Variants in SLC7A11 observed in about 807,000 individuals in gnomAD.
The protein encoded by SLC7A11 is solute carrier family 7 member 11, also known as cystine/glutamate transporter.
Under a neutral mutation model 54.5 loss-of-function variants are expected in SLC7A11, and 35 were observed. That is an observed-to-expected ratio of 0.64 (90% CI 0.49 to 0.85). SLC7A11 has a LOEUF of 0.85. Among genes scored for constraint, SLC7A11 ranks in the 40% least tolerant of loss-of-function variants. SLC7A11 has a pLI of 0.00. For missense variants in SLC7A11, 583 were observed against 618.1 expected, an observed-to-expected ratio of 0.94 and a Z score of 0.60; for synonymous variants, 230 against 225.2, an observed-to-expected ratio of 1.02 and a Z score of -0.19.
Position 138,165,029 on chromosome 4 carries a change from A to G in SLC7A11, c.*6927T>C, listed in dbSNP as rs1304224531. On this transcript the variant is annotated 3_prime_UTR_variant, in exon 12 of 12. Coordinates refer to ENST00000280612, the MANE Select transcript of SLC7A11 (RefSeq NM_014331.4). Reference sequence around the variant, plus strand: ...GCAAATTATAAATGCTTGTCACAGAATATGAAAAATATTTAAATACATTCA... The same window carrying G: ...GCAAATTATAAATGCTTGTCACAGAGTATGAAAAATATTTAAATACATTCA... 1 of 152,342 alleles carries G rather than the reference A, an allele frequency of 6.6e-6. No homozygotes were observed. Among genetic ancestry groups the G allele is most frequent in the Non-Finnish European group, 1.5e-5 (1 of 68,026 alleles). 9.4% of individuals were successfully genotyped at this position (152,342 alleles called of 1,614,324 possible).
At chr4:138,174,797 A>G (rs1327069541) in intron 11 of SLC7A11, 3 of 152,224 alleles carry the variant, frequency 2.0e-5, no homozygotes, top group Non-Finnish European at 1.5e-5. Context: ...ACTGTAAGGT[A>G]CAGGACCAAA....
chr4:138,185,212 G>A lies in SLC7A11; in HGVS notation c.824C>T (p.Ala275Val). 6.2e-7 allele frequency: 1 copy of A among 1,612,648 alleles called. No homozygotes were observed. Among genetic ancestry groups the A allele is most frequent in the Non-Finnish European group, 8.5e-7 (1 of 1,178,950 alleles). Reference protein sequence around the residue: ...TIPLAICISMAIVTIGYVLTN... With the variant: ...TIPLAICISMVIVTIGYVLTN... Reference sequence around the variant, plus strand: ...CAGCACATAGCCAATGGTGACAATGGCCATGGATATACATATTGCAAGGGG... The same window carrying A: ...CAGCACATAGCCAATGGTGACAATGACCATGGATATACATATTGCAAGGGG... The change falls in exon 7 of 12, where the codon GCC becomes GTC. Residue 275 changes from alanine (A) to valine (V), a missense_variant. Coordinates refer to ENST00000280612, the MANE Select transcript of SLC7A11 (RefSeq NM_014331.4).
chr4:138,183,075 C>T, intron 8 of SLC7A11, 127 bp downstream of exon 8: 1 of 661,296 alleles, frequency 1.5e-6, no homozygotes, highest in Non-Finnish European at 2.7e-6. Context: ...ACCAATATTT[C>T]AATCTTGCAT....
chr4:138,202,040 A>G (rs1737298133), intron 6 of SLC7A11, among the ~76,000 whole-genome samples: 1 of 152,114 alleles, frequency 6.6e-6, no homozygotes, highest in Non-Finnish European at 1.5e-5. Context: ...CTCTCATATA[A>G]TTGCATCTAT....
intron 6 of SLC7A11, 42 bp from the exon 7 acceptor site, chr4:138,185,286 A>G (rs754329667): frequency 1.2e-6 from 2 of 1,604,662 alleles, no homozygotes. Flanking sequence ...ATCTTTTGTT[A>G]GCCATTCTCT....
chr4:138,225,809 A>G (rs1737934938), intron 3 of SLC7A11, among the ~76,000 whole-genome samples: 1 of 152,130 alleles, frequency 6.6e-6, no homozygotes, highest in African/African-American at 2.4e-5. Flanking sequence ...CTCTGTATTT[A>G]TGAAAGTTCT....
chr4:138,235,152 A>T (rs1331616577), intron 2 of SLC7A11, among the ~76,000 whole-genome samples: 1 of 152,184 alleles, frequency 6.6e-6, no homozygotes, highest in Non-Finnish European at 1.5e-5. Context: ...AGAAGAATTT[A>T]GAGATGAAAG....
At chr4:138,236,793 T>C (rs556952915) in intron 1 of SLC7A11, among the ~76,000 whole-genome samples, 1 of 152,232 alleles carries the variant, frequency 6.6e-6, no homozygotes, top group African/African-American at 2.4e-5. Context: ...TCAATAATAT[T>C]GACCTATTTT....
chr4:138,217,833 T>C (rs997470190), intron 5 of SLC7A11, among the ~76,000 whole-genome samples: 2 of 152,236 alleles, frequency 1.3e-5, no homozygotes, highest in Non-Finnish European at 2.9e-5. Flanking sequence ...TGAATAGCCA[T>C]AGAACAGTTG....
At chr4:138,181,993 C>T (rs1040080344) in intron 9 of SLC7A11, among the ~76,000 whole-genome samples, 1 of 152,036 alleles carries the variant, frequency 6.6e-6, no homozygotes, top group Non-Finnish European at 1.5e-5. Context: ...ACTCTACATT[C>T]TTTTCTGTGA....
At position 138,175,722 on chromosome 4, in the gene SLC7A11, A is replaced by C. The variant is rs942480714; in HGVS notation, c.1444+3495T>G. The C allele has an allele frequency of 3.9e-5, 6 of 152,076 alleles. 1 individual carries two copies. Among genetic ancestry groups the C allele is most frequent in the Non-Finnish European group, 7.4e-5 (5 of 68,012 alleles). 9.4% of individuals were successfully genotyped at this position (152,076 alleles called of 1,614,324 possible). A position where few individuals can be genotyped will look rare whatever the true frequency, so the allele number is the denominator to read the frequency against. On this transcript the variant is annotated intron_variant, in intron 11 of 11. Coordinates refer to ENST00000280612, the MANE Select transcript of SLC7A11 (RefSeq NM_014331.4). The stretch of plus-strand genomic sequence containing the variant: ...TCCTGTGGCTGGAGAGATTTATCAA[A>C]TCTCTGAAAATCTCAGCTCCTTGGA...
chr4:138,237,961 C>T (rs979511805), intron 1 of SLC7A11, among the ~76,000 whole-genome samples: 6 of 150,438 alleles, frequency 4.0e-5, no homozygotes, highest in African/African-American at 9.8e-5. Context: ...CAATTTTGGT[C>T]GGGCTGGTCT....
chr4:138,179,141 T>C (rs1036811419), intron 11 of SLC7A11, 76 bp downstream of exon 11: 2 of 945,028 alleles, frequency 2.1e-6, no homozygotes, highest in Non-Finnish European at 1.6e-6. Context: ...AAATGTTAAG[T>C]ATATTATGTA....
At chr4:138,231,260 C>T (rs1418799898) in intron 3 of SLC7A11, among the ~76,000 whole-genome samples, 1 of 152,082 alleles carries the variant, frequency 6.6e-6, no homozygotes, top group African/African-American at 2.4e-5. Context: ...GTGATGGTTA[C>T]ACTAAAAGCC....
At chr4:138,201,034 A>G (rs561148604) in intron 6 of SLC7A11, among the ~76,000 whole-genome samples, 1 of 152,124 alleles carries the variant, frequency 6.6e-6, no homozygotes, top group Admixed American at 6.6e-5. Context: ...ATTCTTCGGA[A>G]GAGGTGGGAC....
In SLC7A11 at chr4:138,164,682, A is replaced by G. The variant is rs927744166; in HGVS notation, c.*7274T>C. 13 of 152,272 alleles carry G rather than the reference A, an allele frequency of 8.5e-5. No individual in the cohort carries two copies. Among genetic ancestry groups the G allele is most frequent in the Admixed American group, 7.9e-4 (12 of 15,282 alleles). 9.4% of individuals were successfully genotyped at this position (152,272 alleles called of 1,614,324 possible). A position where few individuals can be genotyped will look rare whatever the true frequency, so the allele number is the denominator to read the frequency against. ...GTATAAAATACACACAATCCCCTCTACTAAGTTTCATGATCACAGTGCCAG... is the reference window on the plus strand; with the variant it reads ...GTATAAAATACACACAATCCCCTCTGCTAAGTTTCATGATCACAGTGCCAG... On this transcript the variant is annotated 3_prime_UTR_variant, in exon 12 of 12. Transcript: ENST00000280612.
intron 3 of SLC7A11, among the ~76,000 whole-genome samples, chr4:138,231,286 C>T (rs1488592331): frequency 2.0e-5 from 3 of 152,070 alleles, no homozygotes; most frequent in East Asian, 1.9e-4. Flanking sequence ...TCCACCACTA[C>T]GCAATATATC....
intron 9 of SLC7A11, among the ~76,000 whole-genome samples, chr4:138,181,013 T>TGA (rs2148412267): frequency 6.6e-6 from 1 of 152,284 alleles, no homozygotes; most frequent in South Asian, 2.1e-4. Context: ...CCATTATACT[T>TGA]TATTCAAGTG....
chr4:138,176,409 T>A (rs575292639), intron 11 of SLC7A11: 4 of 152,160 alleles, frequency 2.6e-5, no homozygotes, highest in African/African-American at 9.7e-5. Context: ...ACACTAAATT[T>A]GGAGGCCTTG....
Sources: gnomAD v4.1 joint callset for allele counts (sites outside exome capture counted in the v4.1 genomes callset) on GRCh38, gnomAD v4.1.1 for gene constraint, MANE v1.5 for transcripts, NCBI Gene and HGNC (gene_info 2026-07-23, HGNC 2026-07-21) for gene names.